PHKA2: variants seen among roughly 807,000 people sequenced by gnomAD.
The protein encoded by PHKA2 is phosphorylase b kinase regulatory subunit alpha, liver isoform.
A neutral mutation model predicts 102.0 loss-of-function variants in PHKA2; 31 were observed. The observed-to-expected ratio is 0.30, with a 90% CI of 0.23 to 0.41. The LOEUF is 0.41. Among genes scored for constraint, PHKA2 ranks in the 10% least tolerant of loss-of-function variants. The pLI is 1.00. For missense variants in PHKA2, 858 were observed against 1,023.1 expected (o/e 0.84, Z 2.20); for synonymous variants, 455 against 416.2 (o/e 1.09, Z -1.13).
chrX:18,929,431 G>T, intron 12 of PHKA2, 125 bp from the exon 13 acceptor site: 1 of 520,677 alleles, frequency 1.9e-6, no homozygotes, highest in Non-Finnish European at 3.4e-6. Context: ...TATATTTTTC[G>T]AGTCAATTGC....
chrX:18,919,409 A>G (rs1025235092), intron 18 of PHKA2, among the ~76,000 whole-genome samples: 3 of 111,913 alleles, frequency 2.7e-5, no homozygotes, highest in African/African-American at 9.8e-5. Context: ...ATTCTGTGCA[A>G]AGTCCCCATT....
chrX:18,941,286 G>A (rs886554385), intron 8 of PHKA2, among the ~76,000 whole-genome samples: 7 of 111,477 alleles, frequency 6.3e-5, no homozygotes, highest in African/African-American at 2.0e-4. Context: ...TTAGAAGTAT[G>A]GTACTGGTAC....
chrX:18,893,636 T>G lies in PHKA2; in HGVS notation c.3557A>C (p.Asp1186Ala). Residue 1186 changes from aspartate to alanine, a missense_variant, in exon 33 of 33, where the codon GAC becomes GCC. Physicochemically the swap from Asp to Ala is moderately radical, Grantham distance 126. Coordinates refer to ENST00000379942, the MANE Select transcript of PHKA2 (RefSeq NM_000292.3). Reference protein sequence around the residue: ...LQDQVSIGAMDTLEKDQATGI... With the variant: ...LQDQVSIGAMATLEKDQATGI... Reference sequence around the variant, plus strand: ...TGTGGCTTGGTCTTTCTCCAGGGTGTCCATGGCACCAATTGACACCTGCAG... The same window carrying G: ...TGTGGCTTGGTCTTTCTCCAGGGTGGCCATGGCACCAATTGACACCTGCAG... 4.1e-6 allele frequency: 5 copies of G among 1,211,264 alleles called. No homozygotes were observed. The highest frequency in any genetic ancestry group is 5.6e-6 in the Non-Finnish European group (5 of 894,848).
At chrX:18,895,331 G>A (rs1302618352) in intron 30 of PHKA2, 140 bp from the exon 31 acceptor site, 8 of 560,576 alleles carry the variant, frequency 1.4e-5, no homozygotes, top group South Asian at 1.4e-4. Context: ...GACTGTCAGA[G>A]TTATTTTTAG....
chrX:18,981,785 C>A, intron 1 of PHKA2, among the ~76,000 whole-genome samples: 1 of 111,120 alleles, frequency 9.0e-6, no homozygotes, highest in Non-Finnish European at 1.9e-5. Flanking sequence ...CCACCAAGAG[C>A]ACCCATTATT....
In PHKA2 at chrX:18,957,738, T is replaced by TTATATATATATATATATA. The variant is rs748964864; in HGVS notation, c.79-3344_79-3327dup. On this transcript the variant is annotated intron_variant, in intron 1 of 32. Coordinates refer to ENST00000379942, the MANE Select transcript of PHKA2 (RefSeq NM_000292.3). ...TTTCCTATGTGTTACTAAAACCAGA[T>TTATATATATATATATATA]TATATATATATATATATATATAATT... is the stretch of plus-strand genomic sequence containing the variant. 4.0e-3 allele frequency among the ~76,000 whole-genome samples: 378 copies of TTATATATATATATATATA among 95,041 alleles called. 7 individuals carry two copies. The highest frequency in any genetic ancestry group is 0.015 in the African/African-American group (344 of 22,668). 82.5% of individuals were successfully genotyped at this position (95,041 alleles called of 115,157 possible).
intron 20 of PHKA2, among the ~76,000 whole-genome samples, chrX:18,910,231 G>A (rs1258004403): frequency 1.8e-5 from 2 of 112,639 alleles, no homozygotes; most frequent in African/African-American, 3.2e-5. Context: ...TGTAATCCCA[G>A]CACTTTGGGA....
rs775198397 is a variant in PHKA2, at chrX:18,983,532, C to T, written c.78+323G>A. ...CTCATTCAGTGTAGTCTGTCCAAAC[C>T]CCCCACACCTCTTCTCGTCCAAAAA... is the stretch of plus-strand genomic sequence containing the variant. On this transcript the variant is annotated intron_variant, in intron 1 of 32. Transcript: ENST00000379942. Among the ~76,000 whole-genome samples, 232 of 111,963 alleles carry T rather than the reference C, an allele frequency of 2.1e-3. No individual in the cohort carries two copies. In the Middle Eastern group the frequency reaches 0.023, roughly 11 times the overall value.
intron 25 of PHKA2, 148 bp downstream of exon 25, chrX:18,906,347 T>C (rs868337774): frequency 1.2e-5 from 8 of 671,935 alleles, no homozygotes; most frequent in Middle Eastern, 9.5e-4. Context: ...TCCATCTAAA[T>C]GAGAGAAGCT....
In PHKA2 at chrX:18,903,170, C is replaced by G. The variant is rs184715582; in HGVS notation, c.2909-1567G>C. On this transcript the variant is annotated intron_variant, in intron 26 of 32. Coordinates refer to ENST00000379942, the MANE Select transcript of PHKA2 (RefSeq NM_000292.3). ...TCTGTGGTATGGTTCTGTGACCTGC[C>G]TTTTTGTACTTGTATCGTGAATGTC... Among the ~76,000 whole-genome samples the G allele has an allele frequency of 1.9e-3, 212 of 112,299 alleles. 2 individuals carry two copies. The highest frequency in any genetic ancestry group is 6.5e-3 in the African/African-American group (201 of 30,917).
chrX:18,944,327 C>G (rs1440843800), intron 6 of PHKA2, among the ~76,000 whole-genome samples: 1 of 112,216 alleles, frequency 8.9e-6, no homozygotes, highest in Admixed American at 9.5e-5. Context: ...CAGTTAACTT[C>G]AAACATCTGG....
chrX:18,983,816 G>A (rs2148057621), intron 1 of PHKA2, 39 bp downstream of exon 1: 1 of 1,079,340 alleles, frequency 9.3e-7, no homozygotes, highest in Non-Finnish European at 1.3e-6. Context: ...TACATGAGAG[G>A]GTAGTTCCAC....
In PHKA2 at chrX:18,926,514, C is replaced by A; in HGVS notation, c.1398G>T (p.Ala466=). 8.3e-7 allele frequency: 1 copy of A among 1,199,697 alleles called. No homozygotes were observed. The highest frequency in any genetic ancestry group is 1.8e-5 in the South Asian group (1 of 56,709). The change falls in exon 14 of 33, where the codon GCG becomes GCT. Residue 466 remains alanine (A), a synonymous_variant. Transcript: ENST00000379942. ...RKHGVNVQSI[A]DIHPIQVQPG... ...GCTGGACTTGAATTGGATGAATGTC[C>A]GCGATACTCTGGACGTTCACCCCGT... is the stretch of plus-strand genomic sequence containing the variant.
At position 18,893,420 on chromosome X, in the gene PHKA2, G is replaced by A. The variant is rs1000297236; in HGVS notation, c.*65C>T. 9.3e-7 allele frequency: 1 copy of A among 1,080,587 alleles called. No individual in the cohort carries two copies. The highest frequency in any genetic ancestry group is 2.2e-5 in the Admixed American group (1 of 45,390). The allele number at this position is 1,080,587 out of a possible 1,213,427, so 89.1% of individuals were successfully genotyped here. On this transcript the variant is annotated 3_prime_UTR_variant, in exon 33 of 33. Transcript: ENST00000379942. ...GCACAGGGGATCTTGGGGGACAGAA[G>A]GTTCCCAGTAAGGCTAGGGGGCACG... is the stretch of plus-strand genomic sequence containing the variant.
At position 18,983,832 on chromosome X, in the gene PHKA2, C is replaced by T. The variant is rs375773705; in HGVS notation, c.78+23G>A. 37 of 1,180,211 alleles carry T rather than the reference C, an allele frequency of 3.1e-5. No homozygotes were observed. In the African/African-American group the frequency reaches 6.3e-4, roughly 20 times the overall value. On this transcript the variant is annotated intron_variant, in intron 1 of 32. Coordinates refer to ENST00000379942, the MANE Select transcript of PHKA2 (RefSeq NM_000292.3). ...ACATGAGAGGGTAGTTCCACGCGTT[C>T]CCTGGGGGCGGTCCCTCCTTACCTG...
At chrX:18,901,704 T>C in intron 26 of PHKA2, 101 bp from the exon 27 acceptor site, 1 of 578,296 alleles carries the variant, frequency 1.7e-6, no homozygotes, top group Non-Finnish European at 3.1e-6. Flanking sequence ...GAGGGCCTTC[T>C]CTGCCTGGCC....
At chrX:18,924,184 C>T (rs151344533) in intron 16 of PHKA2, 50 bp from the exon 17 acceptor site, 5 of 983,368 alleles carry the variant, frequency 5.1e-6, no homozygotes, top group Non-Finnish European at 7.3e-6. Flanking sequence ...ACTTTTTTTC[C>T]GTTATGCACT....
rs2048089568 is a variant in PHKA2 at position 18,920,053 on chromosome X, G to A, written c.1942C>T (p.Leu648=). The A allele has an allele frequency of 2.5e-6, 3 of 1,205,205 alleles. No individual in the cohort carries two copies. The highest frequency in any genetic ancestry group is 3.4e-6 in the Non-Finnish European group (3 of 889,923). The change falls in exon 18 of 33, where the codon CTG becomes TTG. Residue 648 remains leucine, a synonymous_variant. Coordinates refer to ENST00000379942, the MANE Select transcript of PHKA2 (RefSeq NM_000292.3). ...PDSDSDLVGY[L]EDTCNQESQD... is the part of the protein sequence containing the mutation. ...GTACCTTGATTACAGGTGTCTTCCAGATATCCTACCAAATCTGAATCACTA... is the reference window on the plus strand; with the variant it reads ...GTACCTTGATTACAGGTGTCTTCCAAATATCCTACCAAATCTGAATCACTA...
intron 17 of PHKA2, among the ~76,000 whole-genome samples, chrX:18,920,602 T>C (rs1420845858): frequency 8.9e-6 from 1 of 112,023 alleles, no homozygotes; most frequent in African/African-American, 3.2e-5. Flanking sequence ...GCACACTCGT[T>C]CCATTATTTA....
Sources: gnomAD v4.1 joint callset for allele counts (sites outside exome capture counted in the v4.1 genomes callset) on GRCh38, gnomAD v4.1.1 for gene constraint, MANE v1.5 for transcripts, NCBI Gene and HGNC (gene_info 2026-07-23, HGNC 2026-07-21) for gene names.